Variants in ABCC6 observed in about 807,000 individuals in gnomAD.
ABCC6 encodes ATP-binding cassette sub-family C member 6.
A neutral mutation model predicts 169.5 loss-of-function variants in ABCC6; 126 were observed. The observed-to-expected ratio is 0.74, with a 90% CI of 0.64 to 0.86. ABCC6 has a LOEUF of 0.86. ABCC6 is among the 40% of genes least tolerant of loss of function. ABCC6 has a pLI of 0.00. For missense variants in ABCC6, 1,733 were observed against 1,927.2 expected, an observed-to-expected ratio of 0.90 and a Z score of 1.89; for synonymous variants, 752 against 814.7, an observed-to-expected ratio of 0.92 and a Z score of 1.31.
Position 16,184,942 on chromosome 16 carries a change from CG to C in ABCC6, c.1943+16del, listed in dbSNP as rs1349855836. 1.9e-6 allele frequency: 3 copies of C among 1,607,586 alleles called. No homozygotes were observed. The highest frequency in any genetic ancestry group is 2.6e-6 in the Non-Finnish European group (3 of 1,174,054). On this transcript the variant is annotated intron_variant, in intron 15 of 30. Coordinates refer to ENST00000205557, the MANE Select transcript of ABCC6 (RefSeq NM_001171.6). ...CCTAAAAACATGAGGCTGGTTACTA[CG>C]GGTGTCGTTCTGTACCTGTGGAGGC... is the stretch of plus-strand genomic sequence containing the variant.
chr16:16,191,034 A>ACTT (rs1190263804), intron 11 of ABCC6, among the ~76,000 whole-genome samples: 2 of 150,602 alleles, frequency 1.3e-5, no homozygotes, highest in Non-Finnish European at 3.0e-5. Context: ...GTCACTTGGC[A>ACTT]CTTTAAAGTC....
rs766492973 is a variant in ABCC6 at position 16,221,710 on chromosome 16, A to C, written c.158T>G (p.Leu53Arg). The C allele has an allele frequency of 2.5e-6, 4 of 1,613,866 alleles. No homozygotes were observed. In the Admixed American group the frequency reaches 6.7e-5, roughly 27 times the overall value. ...GCCCCGGCCATGGTGGTGGATGAAG[A>C]GGAGGTAGATGGGACCAAGGACCCA... ...YLWVLGPIYL[L>R]FIHHHGRGYL... Residue 53 changes from leucine to arginine, a missense_variant, in exon 2 of 31, where the codon CTC (leucine) becomes CGC (arginine). Leu to Arg is a moderately radical substitution (Grantham distance 102). Coordinates refer to ENST00000205557, the MANE Select transcript of ABCC6 (RefSeq NM_001171.6).
In ABCC6 at chr16:16,184,993, C is replaced by T. The variant is rs759329140; in HGVS notation, c.1909G>A (p.Ala637Thr). ...DCITIHSATF[A>T]WSQESPPCLH... is the part of the protein sequence containing the mutation. ...CAGGGAGGGCTTTCCTGGGACCAGG[C>T]GAAGGTGGCACTGTGTATGGTGATG... is the stretch of plus-strand genomic sequence containing the variant. Residue 637 changes from alanine to threonine, a missense_variant, in exon 15 of 31, where the codon GCC (alanine) becomes ACC (threonine). Around this residue, in one of 5 missense-constraint regions of ABCC6, gnomAD observed 1,601 missense variants for 1,635.5 expected, o/e 0.98. Transcript: ENST00000205557. The T allele has an allele frequency of 2.0e-5, 32 of 1,613,816 alleles. No individual in the cohort carries two copies. Among genetic ancestry groups the T allele is most frequent in the Non-Finnish European group, 2.5e-5 (30 of 1,179,746 alleles).
chr16:16,222,462 G>T (rs1043368504), intron 1 of ABCC6, among the ~76,000 whole-genome samples: 1 of 152,018 alleles, frequency 6.6e-6, no homozygotes, highest in Non-Finnish European at 1.5e-5. Flanking sequence ...ACAAAGCTTC[G>T]AATTTCCTGG....
rs72657693 is a variant in ABCC6, at chr16:16,165,784, A to C, written c.3145T>G (p.Ser1049Ala). The C allele has an allele frequency of 4.5e-5, 72 of 1,613,590 alleles. No individual in the cohort carries two copies. Among genetic ancestry groups the C allele is most frequent in the Admixed American group, 1.0e-4 (6 of 60,016 alleles). ...ACGTCAACCGTGTCTGTCTCCTTGG[A>C]GAAGCGGTTTAGCAGGTGACCAATG... ...TPIGHLLNRF[S>A]KETDTVDVDI... Residue 1049 changes from serine to alanine, a missense_variant, in exon 23 of 31, where the codon TCC (serine) becomes GCC (alanine). Around this residue, in one of 5 missense-constraint regions of ABCC6, gnomAD observed 1,601 missense variants for 1,635.5 expected, o/e 0.98. Transcript: ENST00000205557.
rs371997398 is a variant in ABCC6, at chr16:16,187,138, C to T, written c.1853G>A (p.Ser618Asn). 6.5e-5 allele frequency: 105 copies of T among 1,613,334 alleles called. No individual in the cohort carries two copies. Among genetic ancestry groups the T allele is most frequent in the Non-Finnish European group, 8.6e-5 (101 of 1,179,642 alleles). Residue 618 changes from serine to asparagine, a missense_variant, in exon 14 of 31, where the codon AGT (serine) becomes AAT (asparagine). Coordinates refer to ENST00000205557, the MANE Select transcript of ABCC6 (RefSeq NM_001171.6). ...TCAGCACTCACCGCTTCCAGAGGAA[C>T]TTGAGTCTACGACACCAGGGTCAAC... ...EEVDPGVVDSSSSGSAAGKDC... is the reference protein window; with the variant it reads ...EEVDPGVVDSNSSGSAAGKDC...
At chr16:16,155,260 C>T (rs984224229) in intron 27 of ABCC6, 5 of 601,066 alleles carry the variant, frequency 8.3e-6, no homozygotes, top group Non-Finnish European at 1.5e-5. Context: ...TATCTCTCTC[C>T]CATCTTTCTC....
Position 16,185,223 on chromosome 16 carries a change from G to A in ABCC6, c.1868-189C>T, listed in dbSNP as rs574862614. 3.2e-3 allele frequency among the ~76,000 whole-genome samples: 485 copies of A among 152,318 alleles called. 1 individual carries two copies. Among genetic ancestry groups the A allele is most frequent in the South Asian group, 0.012 (58 of 4,832 alleles). ...ACCCCGCAGGGTTCTTGTTCTGTCC[G>A]TGTCCCATGGCTACATAATCCAGGG... On this transcript the variant is annotated intron_variant, in intron 14 of 30. Transcript: ENST00000205557.
intron 20 of ABCC6, among the ~76,000 whole-genome samples, chr16:16,174,614 G>A (rs866065553): frequency 1.3e-5 from 2 of 151,544 alleles, no homozygotes; most frequent in Non-Finnish European, 1.5e-5. Flanking sequence ...AAAATTAGCC[G>A]GGCCTGGTCA....
intron 11 of ABCC6, among the ~76,000 whole-genome samples, chr16:16,192,616 G>A (rs532253945): frequency 6.6e-6 from 1 of 152,280 alleles, no homozygotes; most frequent in African/African-American, 2.4e-5. Context: ...CTGACCCAGG[G>A]CCTGTGGCCT....
chr16:16,188,942 C>A lies in ABCC6; in HGVS notation c.1668G>T (p.Leu556=). 3.7e-6 allele frequency: 6 copies of A among 1,614,048 alleles called. No individual in the cohort carries two copies. The highest frequency in any genetic ancestry group is 5.1e-6 in the Non-Finnish European group (6 of 1,180,020). ...CTGCATTCATAGCATTCTCGGCCAC[C>A]AGAGTGTGGACAGCAAACACCACCA... The part of the protein sequence containing the change: ...VALVVFAVHT[L]VAENAMNAEK... The change falls in exon 13 of 31, where the codon CTG becomes CTT. Residue 556 remains leucine, a synonymous_variant. Transcript: ENST00000205557.
chr16:16,200,444 A>AG (rs1211738455), intron 9 of ABCC6, among the ~76,000 whole-genome samples: 2 of 149,758 alleles, frequency 1.3e-5, no homozygotes, highest in Admixed American at 1.3e-4. Context: ...AAAAAAAAAA[A>AG]AAAAAGCCCA....
At chr16:16,153,246 C>A (rs1334297489) in intron 29 of ABCC6, among the ~76,000 whole-genome samples, 1 of 152,150 alleles carries the variant, frequency 6.6e-6, no homozygotes, top group African/African-American at 2.4e-5. Context: ...CACCTATGTT[C>A]ATAGTGGCAT....
intron 13 of ABCC6, among the ~76,000 whole-genome samples, chr16:16,187,852 G>A (rs988229624): frequency 2.0e-5 from 3 of 151,962 alleles, no homozygotes; most frequent in African/African-American, 7.3e-5. Context: ...AGCTGAGATC[G>A]TGCCACTGCA....
intron 7 of ABCC6, among the ~76,000 whole-genome samples, chr16:16,205,176 C>T (rs1365992247): frequency 7.2e-5 from 11 of 152,058 alleles, no homozygotes; most frequent in Admixed American, 2.0e-4. Context: ...ATCTGTGACC[C>T]GGGGCCACGT....
chr16:16,189,231 A>G (rs1196718364), intron 12 of ABCC6, among the ~76,000 whole-genome samples: 1 of 152,238 alleles, frequency 6.6e-6, no homozygotes, highest in African/African-American at 2.4e-5. Context: ...AGGCATCACT[A>G]GAACCTAGGG....
intron 15 of ABCC6, among the ~76,000 whole-genome samples, chr16:16,183,384 C>G (rs139231735): frequency 3.3e-5 from 5 of 152,168 alleles, no homozygotes; most frequent in East Asian, 1.9e-4. Flanking sequence ...CCCTCCCTCC[C>G]GCTACTCTTG....
In ABCC6 at chr16:16,188,979, G is replaced by C. The variant is rs771552185; in HGVS notation, c.1636-5C>G. On this transcript the variant is annotated splice_region_variant and splice_polypyrimidine_tract_variant and intron_variant, in intron 12 of 30. Coordinates refer to ENST00000205557, the MANE Select transcript of ABCC6 (RefSeq NM_001171.6). ...AGCAAACACCACCAGTGCGACCTGGGGGGTGGGGGGGACACGTGGGGCAAC... is the reference window on the plus strand; with the variant it reads ...AGCAAACACCACCAGTGCGACCTGGCGGGTGGGGGGGACACGTGGGGCAAC... 2 of 1,613,778 alleles carry C rather than the reference G, an allele frequency of 1.2e-6. No individual in the cohort carries two copies. Among genetic ancestry groups the C allele is most frequent in the South Asian group, 1.1e-5 (1 of 91,076 alleles).
Position 16,203,492 on chromosome 16 carries a change from C to G in ABCC6, c.916G>C (p.Val306Leu). The change falls in exon 8 of 31, where the codon GTG (valine) becomes CTG (leucine). Residue 306 changes from valine (V) to leucine (L), a missense_variant. By Grantham distance (32) the Val-to-Leu change is conservative. Coordinates refer to ENST00000205557, the MANE Select transcript of ABCC6 (RefSeq NM_001171.6). ...WRPLLKAIWQ[V>L]FHSTFLLGTL... ...CCCAGGAGGAAGGTAGAATGGAACA[C>G]CTGCCAGATGGCCTTCAGCAGTGGG... 1 of 1,614,008 alleles carries G rather than the reference C, an allele frequency of 6.2e-7. No homozygotes were observed. The highest frequency in any genetic ancestry group is 8.5e-7 in the Non-Finnish European group (1 of 1,179,882).
Sources: gnomAD v4.1 joint callset for allele counts (sites outside exome capture counted in the v4.1 genomes callset) on GRCh38, gnomAD v4.1.1 for gene constraint, gnomAD v4.1.1 regional missense constraint, MANE v1.5 for transcripts, NCBI Gene and HGNC (gene_info 2026-07-23, HGNC 2026-07-21) for gene names.